Variants in LINGO2 observed in about 807,000 individuals in gnomAD.
LINGO2 encodes the protein leucine rich repeat and Ig domain containing 2, also known as leucine-rich repeat and immunoglobulin-like domain-containing nogo receptor-interacting protein 2.
A neutral mutation model predicts 30.6 loss-of-function variants in LINGO2; 14 were observed. The ratio of observed to expected loss-of-function variants is 0.46; its 90% confidence interval spans 0.30 to 0.72. The LOEUF (loss-of-function observed/expected upper bound fraction) is 0.72, where lower values mean the gene tolerates loss of function less well. Among genes scored for constraint, LINGO2 ranks in the 30% least tolerant of loss-of-function variants. The pLI is 0.07. For missense variants in LINGO2, 729 were observed against 751.7 expected (o/e 0.97, Z 0.35); for synonymous variants, 317 against 288.5 (o/e 1.10, Z -1.00).
At chr9:28,836,944 C>G in the LINGO2 span, among the ~76,000 whole-genome samples, 1 of 151,996 alleles carries the variant, frequency 6.6e-6, no homozygotes, top group African/African-American at 2.4e-5. Flanking sequence ...AAGTAGTAGC[C>G]CTAACATTGG....
the LINGO2 span, among the ~76,000 whole-genome samples, chr9:28,985,379 C>T: frequency 3.8e-4 from 58 of 152,054 alleles, 1 homozygote; most frequent in African/African-American, 1.4e-3. Context: ...GGGCAAACAT[C>T]CAGAAGTGGG....
chr9:28,429,061 T>A (rs945604168), intron 2 of LINGO2, among the ~76,000 whole-genome samples: 1 of 152,196 alleles, frequency 6.6e-6, no homozygotes, highest in East Asian at 1.9e-4. Context: ...TTTTTGACAA[T>A]TGTATCATAG....
chr9:28,195,533 T>A (rs200352316), intron 4 of LINGO2, among the ~76,000 whole-genome samples: 1 of 150,160 alleles, frequency 6.7e-6, no homozygotes, highest in South Asian at 2.1e-4. Context: ...ATATCATAAT[T>A]ATAATAATAA....
the LINGO2 span, among the ~76,000 whole-genome samples, chr9:29,189,969 C>A: frequency 6.7e-6 from 1 of 148,216 alleles, no homozygotes; most frequent in East Asian, 2.1e-4. Flanking sequence ...GCAGTACAGT[C>A]CAGCTTTGGC....
the LINGO2 span, among the ~76,000 whole-genome samples, chr9:28,826,238 A>G: frequency 6.6e-6 from 1 of 152,166 alleles, no homozygotes; most frequent in South Asian, 2.1e-4. Context: ...CATCTCCTCC[A>G]CTGTTATCAA....
At chr9:27,989,711 C>T (rs779921084) in intron 5 of LINGO2, among the ~76,000 whole-genome samples, 6 of 152,012 alleles carry the variant, frequency 3.9e-5, no homozygotes, top group Non-Finnish European at 5.9e-5. Flanking sequence ...CCGTGCTACA[C>T]ACTTTAACGC....
At chr9:28,477,870 A>G (rs1825790334) in intron 1 of LINGO2, among the ~76,000 whole-genome samples, 1 of 152,192 alleles carries the variant, frequency 6.6e-6, no homozygotes, top group Admixed American at 6.5e-5. Context: ...AACTTCTGAA[A>G]TGAGCTGGCT....
the LINGO2 span, among the ~76,000 whole-genome samples, chr9:28,989,386 C>G: frequency 6.6e-6 from 1 of 152,230 alleles, no homozygotes; most frequent in Non-Finnish European, 1.5e-5. Flanking sequence ...TTTGTATTAA[C>G]TGCAGAATTT....
intron 2 of LINGO2, among the ~76,000 whole-genome samples, chr9:28,374,426 TC>T (rs1342440226): frequency 6.6e-6 from 1 of 151,712 alleles, no homozygotes; most frequent in Non-Finnish European, 1.5e-5. Flanking sequence ...AAGAAGGACA[TC>T]CAAAAATAAA....
the LINGO2 span, among the ~76,000 whole-genome samples, chr9:29,189,937 G>T: frequency 6.6e-6 from 1 of 150,978 alleles, no homozygotes; most frequent in African/African-American, 2.4e-5. Context: ...AGGCAGGGAG[G>T]TTGCAGTGAG....
chr9:29,121,415 A>G, the LINGO2 span, among the ~76,000 whole-genome samples: 3 of 152,146 alleles, frequency 2.0e-5, no homozygotes, highest in East Asian at 1.9e-4. Flanking sequence ...CTTCTAAATC[A>G]TCTCATTATC....
chr9:28,689,354 C>T, the LINGO2 span, among the ~76,000 whole-genome samples: 1 of 151,884 alleles, frequency 6.6e-6, no homozygotes. Context: ...CCATTTTAGC[C>T]TCCAGGTAAA....
the LINGO2 span, among the ~76,000 whole-genome samples, chr9:28,682,588 A>G: frequency 6.6e-6 from 1 of 152,022 alleles, no homozygotes; most frequent in African/African-American, 2.4e-5. Context: ...AGACAATTTC[A>G]CGATTATAGA....
the LINGO2 span, among the ~76,000 whole-genome samples, chr9:29,093,072 CAG>C: frequency 2.7e-5 from 3 of 112,108 alleles, 1 homozygote; most frequent in African/African-American, 1.1e-4. Context: ...GAGAGAGAGA[CAG>C]AGAGAGGGAC....
the LINGO2 span, among the ~76,000 whole-genome samples, chr9:29,154,600 AGT>A: frequency 2.6e-5 from 4 of 152,198 alleles, no homozygotes; most frequent in East Asian, 7.7e-4. Context: ...CAACTGGTGG[AGT>A]TCCTTTGAAA....
At chr9:28,847,919 G>A in the LINGO2 span, among the ~76,000 whole-genome samples, 6 of 105,990 alleles carry the variant, frequency 5.7e-5, 1 homozygote, top group East Asian at 2.8e-4. Flanking sequence ...ACACACATAT[G>A]TGTGTATATA....
chr9:28,553,196 C>T (rs1430776368), intron 1 of LINGO2, among the ~76,000 whole-genome samples: 1 of 152,048 alleles, frequency 6.6e-6, no homozygotes, highest in Non-Finnish European at 1.5e-5. Context: ...GATCAAATTA[C>T]TCTGAGCTAA....
At chr9:27,959,543 C>T (rs1819736493) in intron 5 of LINGO2, among the ~76,000 whole-genome samples, 1 of 152,076 alleles carries the variant, frequency 6.6e-6, no homozygotes, top group African/African-American at 2.4e-5. Context: ...AACAAAATTC[C>T]CTTCTTTAGG....
chr9:28,872,714 A>G, the LINGO2 span, among the ~76,000 whole-genome samples: 1 of 152,106 alleles, frequency 6.6e-6, no homozygotes, highest in Non-Finnish European at 1.5e-5. Flanking sequence ...CAGTTCTTAG[A>G]TGTATTAAGA....
Sources: allele counts gnomAD v4.1 joint callset (sites outside exome capture counted in the v4.1 genomes callset), GRCh38; gene constraint gnomAD v4.1.1; transcripts MANE v1.5; gene names NCBI Gene and HGNC (gene_info 2026-07-23, HGNC 2026-07-21).